Variants in CACNB2 observed in about 807,000 individuals in gnomAD.
The protein encoded by CACNB2 is voltage-dependent L-type calcium channel subunit beta-2.
CACNB2 carries 42 observed loss-of-function variants against 73.3 expected under a neutral mutation model. That is an observed-to-expected ratio of 0.57 (90% CI 0.45 to 0.74). The LOEUF (loss-of-function observed/expected upper bound fraction) is 0.74, where lower values mean the gene tolerates loss of function less well. Ranked by LOEUF, CACNB2 falls within the 30% of genes least tolerant of loss-of-function variation. CACNB2 has a pLI of 0.00. For synonymous variants in CACNB2, 348 were observed against 310.3 expected, an observed-to-expected ratio of 1.12 and a Z score of -1.28; for missense variants, 940 against 853.0, an observed-to-expected ratio of 1.10 and a Z score of -1.27.
chr10:18,376,677 G>A (rs1355891789), intron 2 of CACNB2, among the ~76,000 whole-genome samples: 1 of 152,138 alleles, frequency 6.6e-6, no homozygotes, highest in Non-Finnish European at 1.5e-5. Flanking sequence ...TTATGGTGGG[G>A]TTGGACTATC....
chr10:18,524,162 AG>A (rs2052204223), intron 9 of CACNB2, among the ~76,000 whole-genome samples: 1 of 152,184 alleles, frequency 6.6e-6, no homozygotes. Flanking sequence ...TAAATTAACA[AG>A]GAAGTTGAGA....
At chr10:18,333,389 A>C (rs935151630) in intron 2 of CACNB2, among the ~76,000 whole-genome samples, 2 of 152,036 alleles carry the variant, frequency 1.3e-5, no homozygotes, top group Non-Finnish European at 1.5e-5. Context: ...GGACAAAAGC[A>C]CTTTGCTCTT....
chr10:18,327,817 G>A (rs2040643897), intron 2 of CACNB2, among the ~76,000 whole-genome samples: 1 of 152,174 alleles, frequency 6.6e-6, no homozygotes, highest in Non-Finnish European at 1.5e-5. Flanking sequence ...TCTTCTTACA[G>A]ATGAGCAGGG....
intron 2 of CACNB2, among the ~76,000 whole-genome samples, chr10:18,275,156 C>T (rs1310416606): frequency 3.3e-5 from 5 of 152,192 alleles, no homozygotes; most frequent in Admixed American, 3.3e-4. Flanking sequence ...GACAGCTGTG[C>T]TCCATCGCTA....
Position 18,300,706 on chromosome 10 carries a change from G to A in CACNB2, c.214-101218G>A, listed in dbSNP as rs1297462592. On this transcript the variant is annotated intron_variant, in intron 2 of 13. Transcript: ENST00000324631. ...TCTACTAAAAATACAAAAATTAGCC[G>A]TGCATGGTGGTGGGCACCTGTAATC... Among the ~76,000 whole-genome samples, 8 of 152,206 alleles carry A rather than the reference G, an allele frequency of 5.3e-5. 1 individual carries two copies. The highest frequency in any genetic ancestry group is 3.9e-4 in the East Asian group (2 of 5,162).
chr10:18,534,001 G>T, intron 10 of CACNB2, 75 bp from the exon 11 acceptor site: 1 of 1,447,450 alleles, frequency 6.9e-7, no homozygotes, highest in Admixed American at 1.7e-5. Flanking sequence ...TCACCTTTCT[G>T]TTGAAGAAAC....
At chr10:18,168,083 T>A (rs1588602378) in intron 2 of CACNB2, among the ~76,000 whole-genome samples, 1 of 148,352 alleles carries the variant, frequency 6.7e-6, no homozygotes, top group Non-Finnish European at 1.5e-5. Flanking sequence ...TTTAAAAAAA[T>A]TGTTGTTTGT....
intron 2 of CACNB2, among the ~76,000 whole-genome samples, chr10:18,388,098 C>G (rs938923284): frequency 2.6e-5 from 4 of 152,180 alleles, no homozygotes; most frequent in African/African-American, 9.7e-5. Flanking sequence ...TCTTACCAAA[C>G]TGTCAGGCCA....
intron 12 of CACNB2, 90 bp from the exon 13 acceptor site, chr10:18,538,090 G>A (rs924759186): frequency 1.6e-6 from 2 of 1,228,376 alleles, no homozygotes; most frequent in African/African-American, 3.0e-5. Context: ...AAGGGGTGCA[G>A]CTCATGAGCC....
In CACNB2 at chr10:18,150,908, A is replaced by G. The variant is rs763368751; in HGVS notation, c.146A>G (p.Lys49Arg). Residue 49 changes from lysine (K) to arginine (R), a missense_variant, in exon 2 of 14, where the codon AAA (lysine) becomes AGA (arginine). Coordinates refer to ENST00000324631, the MANE Select transcript of CACNB2 (RefSeq NM_201596.3). Reference sequence around the variant, plus strand: ...TCATATGGAAAAGGAGCCAGAAGGAAAAACAGATTTAAAGGATCTGATGGA... The same window carrying G: ...TCATATGGAAAAGGAGCCAGAAGGAGAAACAGATTTAAAGGATCTGATGGA... ...AQSYGKGARR[K>R]NRFKGSDGST... 3.0e-5 allele frequency: 45 copies of G among 1,508,582 alleles called. No individual in the cohort carries two copies. In the African/African-American group the frequency reaches 5.0e-4, roughly 17 times the overall value. The allele number at this position is 1,508,582 out of a possible 1,614,324, so 93.4% of individuals were successfully genotyped here.
chr10:18,506,811 T>C (rs1420036561), intron 6 of CACNB2, among the ~76,000 whole-genome samples: 4 of 152,078 alleles, frequency 2.6e-5, no homozygotes, highest in Non-Finnish European at 5.9e-5. Context: ...TATTTATTTA[T>C]TTTTTTGAGA....
At chr10:18,451,349 T>C (rs2047012490) in intron 3 of CACNB2, among the ~76,000 whole-genome samples, 1 of 152,202 alleles carries the variant, frequency 6.6e-6, no homozygotes, top group Non-Finnish European at 1.5e-5. Context: ...CTCGGGTTCC[T>C]GGACCAGGTA....
intron 3 of CACNB2, among the ~76,000 whole-genome samples, chr10:18,464,817 G>A (rs1171260897): frequency 2.0e-5 from 3 of 152,234 alleles, no homozygotes; most frequent in African/African-American, 7.2e-5. Flanking sequence ...GGAGAGGAGG[G>A]GAGGCATTTT....
intron 2 of CACNB2, among the ~76,000 whole-genome samples, chr10:18,258,076 A>C (rs1295196437): frequency 2.0e-5 from 3 of 152,248 alleles, no homozygotes; most frequent in African/African-American, 7.2e-5. Flanking sequence ...AGAGGAATAC[A>C]TGGATTGTAT....
At chr10:18,333,107 G>A (rs1377407827) in intron 2 of CACNB2, among the ~76,000 whole-genome samples, 1 of 152,140 alleles carries the variant, frequency 6.6e-6, no homozygotes, top group Admixed American at 6.5e-5. Context: ...ATAACAGTAG[G>A]TTCTCATTTT....
intron 2 of CACNB2, among the ~76,000 whole-genome samples, chr10:18,305,010 T>C (rs2039674019): frequency 6.6e-6 from 1 of 152,248 alleles, no homozygotes; most frequent in East Asian, 1.9e-4. Flanking sequence ...GCCAAACATA[T>C]ATTTTTGTGT....
intron 3 of CACNB2, among the ~76,000 whole-genome samples, chr10:18,495,482 G>A (rs1340681670): frequency 1.3e-5 from 2 of 152,008 alleles, no homozygotes; most frequent in Non-Finnish European, 2.9e-5. Context: ...GCCTCCCAAA[G>A]TGCTGCGATT....
chr10:18,185,272 C>G (rs935250268), intron 2 of CACNB2, among the ~76,000 whole-genome samples: 1 of 152,156 alleles, frequency 6.6e-6, no homozygotes. Flanking sequence ...TTAAAGTATA[C>G]AGCAAACAAA....
intron 2 of CACNB2, among the ~76,000 whole-genome samples, chr10:18,271,479 C>T (rs1254169905): frequency 2.6e-5 from 4 of 152,170 alleles, no homozygotes; most frequent in Non-Finnish European, 4.4e-5. Flanking sequence ...TCTTCAAGCA[C>T]AGCCATTTAA....
Sources: allele counts gnomAD v4.1 joint callset (sites outside exome capture counted in the v4.1 genomes callset), GRCh38; gene constraint gnomAD v4.1.1; transcripts MANE v1.5; gene names NCBI Gene and HGNC (gene_info 2026-07-23, HGNC 2026-07-21).